EYA4: variants seen among roughly 807,000 people sequenced by gnomAD.
The protein encoded by EYA4 is protein phosphatase EYA4.
In EYA4, 31 loss-of-function variants were observed where a neutral mutation model predicts 87.9. The observed-to-expected ratio is 0.35, with a 90% CI of 0.27 to 0.48. The LOEUF (loss-of-function observed/expected upper bound fraction) is 0.48, where lower values mean the gene tolerates loss of function less well. EYA4 is among the 20% of genes least tolerant of loss of function. The pLI, the probability that EYA4 is intolerant of heterozygous loss-of-function variation, is 0.99. For synonymous variants in EYA4, 263 were observed against 270.6 expected (o/e 0.97, Z 0.28); for missense variants, 678 against 761.4 (o/e 0.89, Z 1.29).
chr6:133,507,298 C>G (rs1798724219), intron 14 of EYA4: 1 of 152,102 alleles, frequency 6.6e-6, no homozygotes, highest in Non-Finnish European at 1.5e-5. Flanking sequence ...GGCTCCAGAG[C>G]ACATACTTCT....
chr6:133,509,124 T>C (rs1014439652), intron 14 of EYA4, among the ~76,000 whole-genome samples: 1 of 152,150 alleles, frequency 6.6e-6, no homozygotes, highest in Admixed American at 6.5e-5. Flanking sequence ...CTAAAACCAA[T>C]AGAATCAAAA....
chr6:133,448,070 G>A lies in EYA4; in HGVS notation c.209-41G>A, dbSNP rs759787411. Reference sequence around the variant, plus strand: ...GAAGATTATTCATATCCACTCAGCAGGCATTCAGACAATGAACTTTTATAC... The same window carrying A: ...GAAGATTATTCATATCCACTCAGCAAGCATTCAGACAATGAACTTTTATAC... On this transcript the variant is annotated intron_variant, in intron 4 of 19. Coordinates refer to ENST00000355286, the MANE Select transcript of EYA4 (RefSeq NM_004100.5). The A allele has an allele frequency of 2.8e-6, 4 of 1,448,520 alleles. No homozygotes were observed. The African/African-American group carries it at 5.6e-5, about 20-fold the overall frequency. The allele number at this position is 1,448,520 out of a possible 1,614,324, so 89.7% of individuals were successfully genotyped here. A position where few individuals can be genotyped will look rare whatever the true frequency, so the allele number is the denominator to read the frequency against.
chr6:133,457,121 A>G (rs1793978219), intron 6 of EYA4, among the ~76,000 whole-genome samples: 1 of 152,156 alleles, frequency 6.6e-6, no homozygotes, highest in Non-Finnish European at 1.5e-5. Context: ...AGTGACAAGT[A>G]TTAAAGGTTA....
chr6:133,357,836 G>A (rs6569879), intron 2 of EYA4, among the ~76,000 whole-genome samples: 83,182 of 151,832 alleles, frequency 0.55, 25,164 homozygotes, highest in African/African-American at 0.81. Context: ...GGTAATGCTT[G>A]TTGTCATTTT....
intron 6 of EYA4, among the ~76,000 whole-genome samples, chr6:133,460,171 G>T (rs1794253985): frequency 6.6e-6 from 1 of 152,094 alleles, no homozygotes; most frequent in African/African-American, 2.4e-5. Flanking sequence ...TGATTGATTA[G>T]ACTAAACTAA....
chr6:133,260,124 T>G (rs1262280368), intron 1 of EYA4, among the ~76,000 whole-genome samples: 1 of 152,208 alleles, frequency 6.6e-6, no homozygotes, highest in Non-Finnish European at 1.5e-5. Flanking sequence ...TTGTGTCTGT[T>G]TTAAGTATAC....
chr6:133,528,606 T>C lies in EYA4; in HGVS notation c.1840-119T>C, dbSNP rs1190379819. 3.7e-6 allele frequency: 3 copies of C among 818,294 alleles called. No individual in the cohort carries two copies. In the African/African-American group the frequency reaches 5.0e-5, roughly 14 times the overall value. The allele number at this position is 818,294 out of a possible 1,614,324, so 50.7% of individuals were successfully genotyped here. On this transcript the variant is annotated intron_variant, in intron 19 of 19. Transcript: ENST00000355286. ...GCCTTTAAACTCTCTCCCCTGAACT[T>C]GGGTGGACCACACATCCCTGTGTGT...
intron 2 of EYA4, among the ~76,000 whole-genome samples, chr6:133,355,671 A>T (rs1783962736): frequency 6.6e-6 from 1 of 152,166 alleles, no homozygotes; most frequent in Admixed American, 6.5e-5. Flanking sequence ...CTTCTATAAG[A>T]TCTCTAAAGA....
chr6:133,480,581 C>T (rs1198993029), intron 11 of EYA4, among the ~76,000 whole-genome samples: 1 of 152,010 alleles, frequency 6.6e-6, no homozygotes, highest in Non-Finnish European at 1.5e-5. Context: ...AAATGTAAAA[C>T]ATATCATTGA....
At chr6:133,317,824 T>C (rs982843027) in intron 2 of EYA4, among the ~76,000 whole-genome samples, 8 of 150,842 alleles carry the variant, frequency 5.3e-5, no homozygotes, top group Non-Finnish European at 1.0e-4. Context: ...TATCCATCCC[T>C]AGATTCACCA....
intron 3 of EYA4, among the ~76,000 whole-genome samples, chr6:133,417,397 G>C (rs1470836642): frequency 3.9e-5 from 6 of 152,166 alleles, no homozygotes; most frequent in Non-Finnish European, 8.8e-5. Flanking sequence ...TTGAAGTTTA[G>C]AAGATACTGT....
chr6:133,332,711 A>ATTTTTTTTTTTT (rs71003634), intron 2 of EYA4, among the ~76,000 whole-genome samples: 32 of 124,884 alleles, frequency 2.6e-4, no homozygotes, highest in African/African-American at 4.9e-4. Flanking sequence ...GCCCAGCTAA[A>ATTTTTTTTTTTT]TTTTTTTTTT....
Position 133,446,641 on chromosome 6 carries a change from T to C in EYA4, c.95T>C (p.Met32Thr). 1 of 1,614,014 alleles carries C rather than the reference T, an allele frequency of 6.2e-7. No homozygotes were observed. The highest frequency in any genetic ancestry group is 1.1e-5 in the South Asian group (1 of 91,084). ...TACTGCTCTACCAGGTCTATGGAAA[T>C]GCAGGACCTAGCAAGTCCTCATACT... is the stretch of plus-strand genomic sequence containing the variant. ...SQSQNSRSME[M>T]QDLASPHTLV... Residue 32 changes from methionine to threonine, a missense_variant, in exon 4 of 20, where the codon ATG becomes ACG. Transcript: ENST00000355286.
chr6:133,358,261 G>C (rs1285176016), intron 2 of EYA4, among the ~76,000 whole-genome samples: 1 of 152,152 alleles, frequency 6.6e-6, no homozygotes, highest in African/African-American at 2.4e-5. Context: ...TCCTGGACTT[G>C]TATCAGAGGA....
rs1039620208 is a variant in EYA4 at position 133,474,632 on chromosome 6, G to A, written c.970+5901G>A. Among the ~76,000 whole-genome samples the A allele has an allele frequency of 2.6e-5, 4 of 152,194 alleles. No individual in the cohort carries two copies. In the East Asian group the frequency reaches 5.8e-4, roughly 22 times the overall value. ...CAACCAAAATCGTAACAACACACAT[G>A]TCTGGATCTTTAAAGAATTCTATGA... On this transcript the variant is annotated intron_variant, in intron 11 of 19. Coordinates refer to ENST00000355286, the MANE Select transcript of EYA4 (RefSeq NM_004100.5).
At chr6:133,376,109 G>A (rs1317163372) in intron 2 of EYA4, among the ~76,000 whole-genome samples, 3 of 151,624 alleles carry the variant, frequency 2.0e-5, no homozygotes, top group Non-Finnish European at 3.0e-5. Context: ...ATTCTGTATC[G>A]TTTTCTATGT....
At chr6:133,331,318 A>C (rs1781941711) in intron 2 of EYA4, among the ~76,000 whole-genome samples, 1 of 152,174 alleles carries the variant, frequency 6.6e-6, no homozygotes, top group African/African-American at 2.4e-5. Flanking sequence ...AGGATAATGC[A>C]TAGTAGTGAT....
At chr6:133,328,712 A>G (rs900275563) in intron 2 of EYA4, among the ~76,000 whole-genome samples, 2 of 119,832 alleles carry the variant, frequency 1.7e-5, no homozygotes, top group African/African-American at 5.4e-5. Flanking sequence ...CAAACAAACA[A>G]ACAAAAAAAC....
At chr6:133,323,214 T>C (rs1195264581) in intron 2 of EYA4, among the ~76,000 whole-genome samples, 1 of 152,080 alleles carries the variant, frequency 6.6e-6, no homozygotes, top group Non-Finnish European at 1.5e-5. Context: ...TAGAATAAGC[T>C]CTTGCCATCA....
Sources: gnomAD v4.1 joint callset for allele counts (sites outside exome capture counted in the v4.1 genomes callset) on GRCh38, gnomAD v4.1.1 for gene constraint, MANE v1.5 for transcripts, NCBI Gene and HGNC (gene_info 2026-07-23, HGNC 2026-07-21) for gene names.